MUSK: variants seen among roughly 807,000 people sequenced by gnomAD.
MUSK encodes the protein muscle, skeletal receptor tyrosine-protein kinase.
In MUSK, 55 loss-of-function variants were observed where a neutral mutation model predicts 88.7. The observed-to-expected ratio is 0.62, with a 90% CI of 0.50 to 0.78. The LOEUF is 0.78. Ranked by LOEUF, MUSK falls within the 30% of genes least tolerant of loss-of-function variation. The pLI is 0.00. For missense variants in MUSK, 1,015 were observed against 1,074.3 expected (o/e 0.94, Z 0.77); for synonymous variants, 387 against 391.9 (o/e 0.99, Z 0.15).
Position 110,689,729 on chromosome 9 carries a change from GT to G in MUSK, c.358+2464del, listed in dbSNP as rs1437157047. On this transcript the variant is annotated intron_variant, in intron 3 of 14. Coordinates refer to ENST00000374448, the MANE Select transcript of MUSK (RefSeq NM_005592.4). ...TATATAACTATATATGTTATATATA[GT>G]TTATATATAATATTATATATTATAT... Among the ~76,000 whole-genome samples the G allele has an allele frequency of 6.2e-3, 155 of 25,148 alleles. 8 individuals carry two copies. The highest frequency in any genetic ancestry group is 9.7e-3 in the Non-Finnish European group (133 of 13,656). 16.5% of individuals were successfully genotyped at this position (25,148 alleles called of 152,430 possible).
In MUSK at chr9:110,776,629, C is replaced by A. The variant is rs1406792356; in HGVS notation, c.1361-3C>A. On this transcript the variant is annotated splice_polypyrimidine_tract_variant and splice_region_variant and intron_variant, in intron 10 of 14. Coordinates refer to ENST00000374448, the MANE Select transcript of MUSK (RefSeq NM_005592.4). ...AAACAAATTTTTATCCTTTCCCCTT[C>A]AGATTATAACAAAGAAAACCTAAAA... 22 of 1,598,408 alleles carry A rather than the reference C, an allele frequency of 1.4e-5. No homozygotes were observed. The highest frequency in any genetic ancestry group is 1.9e-5 in the Non-Finnish European group (22 of 1,167,428).
intron 1 of MUSK, among the ~76,000 whole-genome samples, chr9:110,675,271 G>C (rs1364035286): frequency 7.1e-6 from 1 of 141,606 alleles, no homozygotes. Context: ...GCCCAGGCTG[G>C]AGTGCAGTGT....
chr9:110,787,459 A>C (rs2132033694), intron 13 of MUSK, among the ~76,000 whole-genome samples: 1 of 152,126 alleles, frequency 6.6e-6, no homozygotes, highest in South Asian at 2.1e-4. Flanking sequence ...TGCATCTTTC[A>C]AACTTCATTG....
At chr9:110,797,466 G>C (rs2078027642) in intron 14 of MUSK, among the ~76,000 whole-genome samples, 1 of 152,054 alleles carries the variant, frequency 6.6e-6, no homozygotes, top group South Asian at 2.1e-4. Flanking sequence ...CAATGTGAGT[G>C]ATTAGCTGAA....
chr9:110,738,380 T>C (rs2077054938), intron 6 of MUSK, among the ~76,000 whole-genome samples: 1 of 152,196 alleles, frequency 6.6e-6, no homozygotes, highest in Non-Finnish European at 1.5e-5. Flanking sequence ...ATTATTTTCT[T>C]TGTCATTTAA....
intron 7 of MUSK, among the ~76,000 whole-genome samples, chr9:110,760,442 T>C (rs1176315861): frequency 2.0e-5 from 3 of 152,120 alleles, no homozygotes; most frequent in Non-Finnish European, 4.4e-5. Context: ...CCACTATCCT[T>C]AGCAAACTAA....
At chr9:110,676,342 A>ATATTATATATTATATATTATATAT (rs1564206178) in intron 1 of MUSK, among the ~76,000 whole-genome samples, 2 of 50,126 alleles carry the variant, frequency 4.0e-5, no homozygotes, top group African/African-American at 2.2e-4. Context: ...ACATACACAC[A>ATATTATATATTATATATTATATAT]CATATATTAT....
intron 1 of MUSK, among the ~76,000 whole-genome samples, chr9:110,681,013 TAATA>T (rs2076104506): frequency 2.8e-5 from 1 of 36,016 alleles, no homozygotes; most frequent in South Asian, 5.1e-4. Flanking sequence ...ATATTATATA[TAATA>T]TATATTATAT....
In MUSK at chr9:110,668,895, T is replaced by C; in HGVS notation, c.-10T>C. 1 of 1,612,146 alleles carries C rather than the reference T, an allele frequency of 6.2e-7. No individual in the cohort carries two copies. The highest frequency in any genetic ancestry group is 1.1e-5 in the South Asian group (1 of 91,030). ...GAAGGAACTTCGTCCTGCGTGAGCC[T>C]GGATTAATCATGAGAGAGCTCGTCA... On this transcript the variant is annotated 5_prime_UTR_variant, in exon 1 of 15. Transcript: ENST00000374448.
chr9:110,738,813 T>C (rs2077059277), intron 6 of MUSK, among the ~76,000 whole-genome samples: 1 of 152,188 alleles, frequency 6.6e-6, no homozygotes, highest in Non-Finnish European at 1.5e-5. Context: ...CTCATAGACC[T>C]ATTCATGATT....
intron 7 of MUSK, among the ~76,000 whole-genome samples, chr9:110,748,608 G>C (rs181541082): frequency 6.6e-6 from 1 of 152,022 alleles, no homozygotes; most frequent in African/African-American, 2.4e-5. Flanking sequence ...GATTCATAGC[G>C]TGCCTAGGGC....
At chr9:110,790,458 A>G (rs2077954211) in intron 14 of MUSK, among the ~76,000 whole-genome samples, 1 of 152,248 alleles carries the variant, frequency 6.6e-6, no homozygotes, top group Non-Finnish European at 1.5e-5. Context: ...TCCCGTAAAG[A>G]GAAAAATTGA....
chr9:110,683,751 T>A (rs2076161468), intron 2 of MUSK, among the ~76,000 whole-genome samples: 1 of 152,176 alleles, frequency 6.6e-6, no homozygotes, highest in African/African-American at 2.4e-5. Context: ...GAGCACTTTT[T>A]CATATGCCTG....
At position 110,800,700 on chromosome 9, in the gene MUSK, T is replaced by C; in HGVS notation, c.2322T>C (p.Ile774=). ...IPIRWMPPES[I]FYNRYTTESD... ...TCCGTTGGATGCCACCAGAGTCCATTTTTTATAACCGCTACACTACAGAGT... is the reference window on the plus strand; with the variant it reads ...TCCGTTGGATGCCACCAGAGTCCATCTTTTATAACCGCTACACTACAGAGT... The change falls in exon 15 of 15, where the codon ATT becomes ATC. Residue 774 remains isoleucine (I), a synonymous_variant. Transcript: ENST00000374448. 6.2e-7 allele frequency: 1 copy of C among 1,613,968 alleles called. No individual in the cohort carries two copies. Among genetic ancestry groups the C allele is most frequent in the Non-Finnish European group, 8.5e-7 (1 of 1,179,890 alleles).
chr9:110,776,150 GATTT>G (rs1161439318), intron 10 of MUSK, among the ~76,000 whole-genome samples, 187 bp downstream of exon 10: 1 of 151,990 alleles, frequency 6.6e-6, no homozygotes, highest in Admixed American at 6.6e-5. Flanking sequence ...TTAGCGTAAA[GATTT>G]ATTTCATTTG....
Position 110,763,715 on chromosome 9 carries a change from A to G in MUSK, c.920+1507A>G, listed in dbSNP as rs78429226. On this transcript the variant is annotated intron_variant, in intron 8 of 14. Transcript: ENST00000374448. ...GTGTGCCTGTGCAGGGAGGGAGGGA[A>G]GTAAGGTGTGGAGTTTCCACTAGAG... is the stretch of plus-strand genomic sequence containing the variant. Among the ~76,000 whole-genome samples the G allele has an allele frequency of 1.5e-3, 230 of 152,282 alleles. 2 individuals are homozygous for G. The East Asian group carries it at 0.032, about 21-fold the overall frequency.
chr9:110,799,786 G>C (rs769476104), intron 14 of MUSK, among the ~76,000 whole-genome samples: 1 of 152,178 alleles, frequency 6.6e-6, no homozygotes, highest in Non-Finnish European at 1.5e-5. Context: ...TCTGTGAAAG[G>C]ATGACAGTAG....
chr9:110,775,753 ATTCATCAAGT>A (rs1489490122), intron 9 of MUSK, 25 bp from the exon 10 acceptor site: 1 of 1,593,556 alleles, frequency 6.3e-7, no homozygotes, highest in Non-Finnish European at 8.6e-7. Flanking sequence ...ACATGTAATG[ATTCATCAAGT>A]TTTGTTCTCC....
At chr9:110,705,594 T>C (rs1358782329) in intron 5 of MUSK, among the ~76,000 whole-genome samples, 1 of 152,232 alleles carries the variant, frequency 6.6e-6, no homozygotes, top group Non-Finnish European at 1.5e-5. Context: ...TTGTTAGGGT[T>C]CTGATTTCTC....
Sources: allele counts gnomAD v4.1 joint callset (sites outside exome capture counted in the v4.1 genomes callset), GRCh38; gene constraint gnomAD v4.1.1; transcripts MANE v1.5; gene names NCBI Gene and HGNC (gene_info 2026-07-23, HGNC 2026-07-21).